Variants in CABIN1 observed in about 807,000 individuals in gnomAD.
CABIN1 encodes the protein calcineurin binding protein 1.
A neutral mutation model predicts 227.7 loss-of-function variants in CABIN1; 133 were observed. The ratio of observed to expected loss-of-function variants is 0.58; its 90% CI spans 0.51 to 0.67. CABIN1 has a LOEUF of 0.67. CABIN1 is among the 30% of genes least tolerant of loss of function. The pLI is 0.00. For missense variants in CABIN1, 2,408 were observed against 2,852.5 expected (o/e 0.84, Z 3.55); for synonymous variants, 1,086 against 1,155.1 (o/e 0.94, Z 1.21).
chr22:24,081,650 C>T (rs1008760629), intron 19 of CABIN1, among the ~76,000 whole-genome samples: 6 of 152,032 alleles, frequency 3.9e-5, no homozygotes, highest in Admixed American at 6.6e-5. Flanking sequence ...TTTGAATTTA[C>T]TCTGTATTGT....
intron 26 of CABIN1, among the ~76,000 whole-genome samples, chr22:24,104,178 AG>A (rs2042371986): frequency 6.6e-6 from 1 of 152,122 alleles, no homozygotes; most frequent in African/African-American, 2.4e-5. Flanking sequence ...CTGGGCTCTA[AG>A]GAAGGCACAA....
chr22:24,028,896 G>C (rs2036289688), intron 1 of CABIN1, among the ~76,000 whole-genome samples: 2 of 152,158 alleles, frequency 1.3e-5, no homozygotes, highest in African/African-American at 4.8e-5. Flanking sequence ...GCTATTAAGA[G>C]GGACAGACCC....
chr22:24,134,298 C>G lies in CABIN1; in HGVS notation c.4633-4C>G, dbSNP rs1295884338. On this transcript the variant is annotated splice_region_variant and splice_polypyrimidine_tract_variant and intron_variant, in intron 28 of 36. Coordinates refer to ENST00000263119, the MANE Select transcript of CABIN1 (RefSeq NM_012295.4). ...CACTTTCAACCTACTTCTTGTTTCCCCAGAACCTCCAGTGGGCCCGCGACG... is the reference window on the plus strand; with the variant it reads ...CACTTTCAACCTACTTCTTGTTTCCGCAGAACCTCCAGTGGGCCCGCGACG... The G allele has an allele frequency of 3.7e-6, 6 of 1,612,248 alleles. No individual in the cohort carries two copies. In the South Asian group the frequency reaches 5.5e-5, roughly 15 times the overall value.
intron 3 of CABIN1, among the ~76,000 whole-genome samples, chr22:24,037,494 CAG>C (rs1363259923): frequency 5.3e-5 from 8 of 151,796 alleles, no homozygotes; most frequent in South Asian, 2.1e-4. Flanking sequence ...TTTGTAGAGA[CAG>C]GGGTCTCTCT....
At chr22:24,136,911 A>G (rs1235049224) in intron 29 of CABIN1, among the ~76,000 whole-genome samples, 5 of 152,100 alleles carry the variant, frequency 3.3e-5, no homozygotes, top group African/African-American at 1.2e-4. Flanking sequence ...AGAACTCTTT[A>G]TATATCAATG....
At position 24,098,289 on chromosome 22, in the gene CABIN1, G is replaced by T. The variant is rs963975418; in HGVS notation, c.4117+97G>T. 3.2e-6 allele frequency: 5 copies of T among 1,572,180 alleles called. No homozygotes were observed. In the African/African-American group the frequency reaches 4.0e-5, roughly 13 times the overall value. On this transcript the variant is annotated intron_variant, in intron 26 of 36. Coordinates refer to ENST00000263119, the MANE Select transcript of CABIN1 (RefSeq NM_012295.4). ...ATTTTGTCGCTTCGTTTTGGTGAGG[G>T]GGGGTGCTGGGTCTGGGGTGACACG...
Position 24,071,858 on chromosome 22 carries a change from G to A in CABIN1, c.2476-496G>A, listed in dbSNP as rs566134557. On this transcript the variant is annotated intron_variant, in intron 17 of 36. Transcript: ENST00000263119. ...GGGCTACCCCCTGGGGTCCCTGCCT[G>A]CATGCCTGTCCTCTGCCCCCACTCC... Among the ~76,000 whole-genome samples the A allele has an allele frequency of 6.5e-4, 99 of 152,274 alleles. 1 individual carries two copies. The highest frequency in any genetic ancestry group is 3.3e-3 in the Admixed American group (50 of 15,296).
intron 29 of CABIN1, among the ~76,000 whole-genome samples, chr22:24,154,563 A>C (rs1241035229): frequency 6.6e-6 from 1 of 152,230 alleles, no homozygotes; most frequent in Non-Finnish European, 1.5e-5. Context: ...GCCTTGAGGT[A>C]GCTTGTGCTC....
At chr22:24,036,643 A>T (rs2036913679) in intron 3 of CABIN1, among the ~76,000 whole-genome samples, 2 of 152,102 alleles carry the variant, frequency 1.3e-5, no homozygotes, top group Non-Finnish European at 2.9e-5. Context: ...CCTCTTTCCC[A>T]TGAGGCCTGG....
chr22:24,130,294 C>T (rs1474306027), intron 28 of CABIN1, among the ~76,000 whole-genome samples: 2 of 152,168 alleles, frequency 1.3e-5, no homozygotes, highest in Non-Finnish European at 2.9e-5. Context: ...ACAGCACATG[C>T]CCAGGCGGAT....
rs773206081 is a variant in CABIN1, at chr22:24,072,493, A to G, written c.2615A>G (p.Gln872Arg). 3.7e-6 allele frequency: 6 copies of G among 1,614,044 alleles called. No individual in the cohort carries two copies. The South Asian group carries it at 6.6e-5, about 18-fold the overall frequency. Reference sequence around the variant, plus strand: ...TCTCTGTGCCACCAGCAGCAGCTCCAAAACCCAGCGGAGGAAGGTGCACAG... The same window carrying G: ...TCTCTGTGCCACCAGCAGCAGCTCCGAAACCCAGCGGAGGAAGGTGCACAG... ...FHSLCHQQQL[Q>R]NPAEEGMSET... is the part of the protein sequence containing the mutation. The change falls in exon 18 of 37, where the codon CAA becomes CGA. Residue 872 changes from glutamine (Q) to arginine (R), a missense_variant. By Grantham distance (43) the Gln-to-Arg change is conservative. This residue lies in a region of CABIN1 where 1,045 missense variants were observed against 1,168.4 expected (regional missense o/e 0.89). Coordinates refer to ENST00000263119, the MANE Select transcript of CABIN1 (RefSeq NM_012295.4).
In CABIN1 at chr22:24,043,008, GCTGCGGTGCAATC is replaced by G; in HGVS notation, c.454_466del (p.Arg152ThrfsTer9). ...TGGCTCGCCATGCTTTTGAGGAAGG[GCTGCGGTGCAATC>G]CTGACCACTGGCCCTGTTTGGATAA... On this transcript the variant is annotated frameshift_variant, in exon 6 of 37. Coordinates refer to ENST00000263119, the MANE Select transcript of CABIN1 (RefSeq NM_012295.4). LOFTEE classifies it high-confidence loss of function. The G allele has an allele frequency of 6.2e-7, 1 of 1,614,048 alleles. No individual in the cohort carries two copies.
chr22:24,119,195 G>A (rs534216843), intron 27 of CABIN1, among the ~76,000 whole-genome samples, 172 bp from the exon 28 acceptor site: 16 of 152,344 alleles, frequency 1.1e-4, no homozygotes, highest in African/African-American at 3.8e-4. Flanking sequence ...TTGGGGCAGA[G>A]CCAGCACTGG....
Position 24,171,851 on chromosome 22 carries a change from C to T in CABIN1, c.5896C>T (p.Pro1966Ser), listed in dbSNP as rs1245418233. The change falls in exon 34 of 37, where the codon CCT becomes TCT. Residue 1966 changes from proline (P) to serine (S), a missense_variant. By Grantham distance (74) the Pro-to-Ser change is moderately conservative (BLOSUM62 -1). This residue lies in a region of CABIN1 where 714 missense variants were observed against 773.8 expected (regional missense o/e 0.92). Coordinates refer to ENST00000263119, the MANE Select transcript of CABIN1 (RefSeq NM_012295.4). ...GCGGCCCAGTGATGCTCACACCAAGCCTCGCCCTGCACTAGCTGCCGCCAC... is the reference window on the plus strand; with the variant it reads ...GCGGCCCAGTGATGCTCACACCAAGTCTCGCCCTGCACTAGCTGCCGCCAC... ...VQRPSDAHTK[P>S]RPALAAATTI... The T allele has an allele frequency of 6.2e-7, 1 of 1,614,144 alleles. No individual in the cohort carries two copies. The highest frequency in any genetic ancestry group is 2.2e-5 in the East Asian group (1 of 44,890).
At position 24,171,871 on chromosome 22, in the gene CABIN1, C is replaced by T. The variant is rs756243971; in HGVS notation, c.5916C>T (p.Ala1972=). The stretch of plus-strand genomic sequence containing the variant: ...CCAAGCCTCGCCCTGCACTAGCTGC[C>T]GCCACAACTATTATCACCTGCCCTC... The part of the protein sequence containing the change: ...AHTKPRPALA[A]ATTIITCPPS... The change falls in exon 34 of 37, where the codon GCC becomes GCT. Residue 1972 remains alanine, a synonymous_variant. Transcript: ENST00000263119. The T allele has an allele frequency of 1.3e-5, 21 of 1,614,016 alleles. No individual in the cohort carries two copies. Among genetic ancestry groups the T allele is most frequent in the Admixed American group, 3.3e-5 (2 of 60,010 alleles).
intron 27 of CABIN1, among the ~76,000 whole-genome samples, chr22:24,116,011 C>CA (rs967968910): frequency 6.6e-6 from 1 of 152,226 alleles, no homozygotes; most frequent in African/African-American, 2.4e-5. Context: ...CGCTCCCTCC[C>CA]ACCGTGTCTA....
chr22:24,136,548 T>TTTTTTTTG (rs1333552591), intron 29 of CABIN1, among the ~76,000 whole-genome samples: 4 of 142,466 alleles, frequency 2.8e-5, no homozygotes, highest in African/African-American at 1.1e-4. Context: ...TTTTTTTTTT[T>TTTTTTTTG]AGAGACAAGG....
At position 24,095,922 on chromosome 22, in the gene CABIN1, T is replaced by G. The variant is rs1454892679; in HGVS notation, c.3787-9T>G. The G allele has an allele frequency of 6.2e-7, 1 of 1,613,924 alleles. No individual in the cohort carries two copies. Among genetic ancestry groups the G allele is most frequent in the Admixed American group, 1.7e-5 (1 of 60,012 alleles). ...AAGGCTGCTCACACTAGAGGTGTCGTTCTCCTAGGTGTACTTTCGGCTCCA... is the reference window on the plus strand; with the variant it reads ...AAGGCTGCTCACACTAGAGGTGTCGGTCTCCTAGGTGTACTTTCGGCTCCA... On this transcript the variant is annotated splice_polypyrimidine_tract_variant and intron_variant, in intron 24 of 36. Transcript: ENST00000263119.
intron 27 of CABIN1, among the ~76,000 whole-genome samples, chr22:24,115,760 A>G (rs968399544): frequency 1.3e-5 from 2 of 152,220 alleles, no homozygotes; most frequent in African/African-American, 4.8e-5. Context: ...GTGCCTAGGC[A>G]GTGTTGAGTG....
Sources: allele counts gnomAD v4.1 joint callset (sites outside exome capture counted in the v4.1 genomes callset), GRCh38; gene constraint gnomAD v4.1.1; regional missense constraint gnomAD v4.1.1; transcripts MANE v1.5; gene names NCBI Gene and HGNC (gene_info 2026-07-23, HGNC 2026-07-21).